Variants in CDYL observed in about 807,000 individuals in gnomAD.
The protein encoded by CDYL is chromodomain Y-like protein.
A neutral mutation model predicts 47.3 loss-of-function variants in CDYL; 8 were observed. The observed-to-expected ratio is 0.17, with a 90% CI of 0.10 to 0.31. The LOEUF (loss-of-function observed/expected upper bound fraction) is 0.31, where lower values mean the gene tolerates loss of function less well. Ranked by LOEUF, CDYL falls within the 10% of genes least tolerant of loss-of-function variation. The pLI is 1.00. For synonymous variants in CDYL, 266 were observed against 265.0 expected, an observed-to-expected ratio of 1.00 and a Z score of -0.04; for missense variants, 471 against 701.4, an observed-to-expected ratio of 0.67 and a Z score of 3.71.
chr6:4,819,162 C>CTGTGTGTGTGTGTGTGTGTG (rs374323088), intron 1 of CDYL, among the ~76,000 whole-genome samples: 28 of 111,992 alleles, frequency 2.5e-4, no homozygotes, highest in African/African-American at 1.2e-3. Context: ...CTCTCTCTCT[C>CTGTGTGTGTGTGTGTGTGTG]TGTGTGTGTG....
intron 1 of CDYL, among the ~76,000 whole-genome samples, chr6:4,709,219 AG>A (rs1369407199): frequency 1.3e-5 from 2 of 151,688 alleles, no homozygotes; most frequent in East Asian, 3.9e-4. Flanking sequence ...TGTTTGAGAC[AG>A]GGTCTCACTT....
chr6:4,791,679 G>T (rs962263721), intron 1 of CDYL, among the ~76,000 whole-genome samples: 1 of 151,494 alleles, frequency 6.6e-6, no homozygotes, highest in African/African-American at 2.4e-5. Flanking sequence ...GGCCCTGTGC[G>T]TGTTTACTGA....
At chr6:4,897,879 C>T (rs1762332219) in intron 2 of CDYL, among the ~76,000 whole-genome samples, 1 of 150,356 alleles carries the variant, frequency 6.7e-6, no homozygotes, top group Admixed American at 6.7e-5. Context: ...AACAGTGAAA[C>T]CCTGTCTCTA....
At chr6:4,923,245 C>A (rs1287194024) in intron 2 of CDYL, among the ~76,000 whole-genome samples, 1 of 152,178 alleles carries the variant, frequency 6.6e-6, no homozygotes, top group Non-Finnish European at 1.5e-5. Context: ...TACTTCCCAG[C>A]CTCTAGTAAC....
rs377158168 is a variant in CDYL at position 4,943,770 on chromosome 6, T to TTAA, written c.1332+14_1332+15insTAA. The TTAA allele has an allele frequency of 5.2e-5, 61 of 1,173,470 alleles. No homozygotes were observed. Among genetic ancestry groups the TTAA allele is most frequent in the Middle Eastern group, 3.1e-4 (1 of 3,240 alleles). The allele number at this position is 1,173,470 out of a possible 1,614,324, so 72.7% of individuals were successfully genotyped here. ...GGAGGAGCATCTGTGAGTACCTTTTTAAAAAAAAAAAAAAAAAGTCATTCT... is the reference window on the plus strand; with the variant it reads ...GGAGGAGCATCTGTGAGTACCTTTTTTAAAAAAAAAAAAAAAAAAAGTCATTCT... On this transcript the variant is annotated intron_variant, in intron 5 of 6. Transcript: ENST00000397588.
At chr6:4,945,806 T>G (rs1220632976) in intron 5 of CDYL, among the ~76,000 whole-genome samples, 1 of 152,222 alleles carries the variant, frequency 6.6e-6, no homozygotes, top group African/African-American at 2.4e-5. Context: ...GCCACAGGAC[T>G]CTCGGGTCCT....
intron 6 of CDYL, among the ~76,000 whole-genome samples, chr6:4,953,655 G>A (rs1758778320): frequency 6.6e-6 from 1 of 152,230 alleles, no homozygotes; most frequent in Admixed American, 6.5e-5. Flanking sequence ...CTCACAGGCT[G>A]GGTGCCGACA....
chr6:4,773,793 G>A (rs1013858383), upstream of CDYL, among the ~76,000 whole-genome samples: 2 of 152,118 alleles, frequency 1.3e-5, no homozygotes, highest in African/African-American at 2.4e-5. The surrounding 1 kb of genome is among the most constrained non-coding windows in gnomAD (Gnocchi z 4.6). Context: ...AGAGGCTACT[G>A]GTGGTTACTC....
intron 2 of CDYL, among the ~76,000 whole-genome samples, chr6:4,922,448 T>TA (rs1483949220): frequency 1.4e-4 from 21 of 152,216 alleles, no homozygotes; most frequent in Admixed American, 1.3e-3. Flanking sequence ...ATGATATTGT[T>TA]AAAAAAGTAT....
intron 2 of CDYL, among the ~76,000 whole-genome samples, chr6:4,915,967 A>G (rs904230516): frequency 1.3e-5 from 2 of 152,166 alleles, no homozygotes; most frequent in South Asian, 2.1e-4. Context: ...CTTGCAACCA[A>G]TTGCCAGTTA....
intron 1 of CDYL, among the ~76,000 whole-genome samples, chr6:4,887,989 A>T (rs894799047): frequency 2.6e-5 from 4 of 151,662 alleles, no homozygotes; most frequent in Non-Finnish European, 5.9e-5. Flanking sequence ...TTGATGTGGC[A>T]TATGAATGTT....
chr6:4,775,905 G>T (rs1024791223), upstream of CDYL, among the ~76,000 whole-genome samples: 1 of 150,240 alleles, frequency 6.7e-6, no homozygotes, highest in Non-Finnish European at 1.5e-5. The surrounding 1 kb of genome is among the most constrained non-coding windows in gnomAD (Gnocchi z 7.0). Flanking sequence ...GGTAGACGGC[G>T]CGGCCGCTGC....
chr6:4,905,803 ATTTGTTT>A (rs1235263471), intron 2 of CDYL, among the ~76,000 whole-genome samples: 3 of 151,562 alleles, frequency 2.0e-5, no homozygotes, highest in Non-Finnish European at 4.4e-5. Context: ...TTTATTTTTC[ATTTGTTT>A]AAATGTATGG....
chr6:4,712,205 G>A (rs1757164231), intron 1 of CDYL, among the ~76,000 whole-genome samples: 1 of 152,214 alleles, frequency 6.6e-6, no homozygotes, highest in African/African-American at 2.4e-5. Context: ...TGAGTAGACA[G>A]GCTGACAGGG....
At chr6:4,754,548 T>C (rs1174165354) in intron 3 of CDYL, among the ~76,000 whole-genome samples, 1 of 152,234 alleles carries the variant, frequency 6.6e-6, no homozygotes, top group Non-Finnish European at 1.5e-5. Context: ...GTTTACTCTT[T>C]GCTCTCTGAG....
At chr6:4,815,316 T>C (rs1050130335) in intron 1 of CDYL, among the ~76,000 whole-genome samples, 2 of 152,256 alleles carry the variant, frequency 1.3e-5, no homozygotes, top group Non-Finnish European at 2.9e-5. Context: ...ATAAGCCTTT[T>C]AATTTTGGAA....
In CDYL at chr6:4,779,496, A is replaced by T. The variant is rs567321526; in HGVS notation, c.24+2689A>T. Among the ~76,000 whole-genome samples the T allele has an allele frequency of 1.8e-4, 27 of 152,360 alleles. No individual in the cohort carries two copies. In the South Asian group the frequency reaches 5.0e-3, roughly 28 times the overall value. On this transcript the variant is annotated intron_variant, in intron 1 of 6. Transcript: ENST00000397588. ...TTAGCATGGAACCTGGTATGTAGTA[A>T]TAGGTCTTTAGTAAATGTTTAAATG... is the stretch of plus-strand genomic sequence containing the variant.
chr6:4,772,313 T>C (rs1758349453), upstream of CDYL, among the ~76,000 whole-genome samples: 1 of 152,026 alleles, frequency 6.6e-6, no homozygotes. Context: ...AAGAGAGAAA[T>C]GGTACCTACC....
At chr6:4,946,242 T>A (rs1758512929) in intron 5 of CDYL, among the ~76,000 whole-genome samples, 1 of 152,162 alleles carries the variant, frequency 6.6e-6, no homozygotes, top group Non-Finnish European at 1.5e-5. Context: ...TGGACATTAA[T>A]GTGAGACAGC....
Sources: allele counts gnomAD v4.1 joint callset (sites outside exome capture counted in the v4.1 genomes callset), GRCh38; gene constraint gnomAD v4.1.1; non-coding constraint Gnocchi (gnomAD v3.1); transcripts MANE v1.5; gene names NCBI Gene and HGNC (gene_info 2026-07-23, HGNC 2026-07-21).